The following KIAA2012 variants were observed in gnomAD, a reference collection of about 807,000 sequenced individuals.
KIAA2012 encodes KIAA2012.
In KIAA2012, 125 loss-of-function variants were observed where a neutral mutation model predicts 150.6. The observed-to-expected ratio is 0.83, with a 90% CI of 0.72 to 0.96. The LOEUF is 0.96. KIAA2012 is among the 40% of genes least tolerant of loss of function. The pLI is 0.00. For missense variants in KIAA2012, 1,219 were observed against 1,354.9 expected (o/e 0.90, Z 1.57); for synonymous variants, 462 against 504.7 (o/e 0.92, Z 1.13).
chr2:202,074,694 T>A (rs1432169956), intron 1 of KIAA2012, among the ~76,000 whole-genome samples, 197 bp from the exon 2 acceptor site: 1 of 152,202 alleles, frequency 6.6e-6, no homozygotes, highest in African/African-American at 2.4e-5. Flanking sequence ...AATAGAACCA[T>A]GCCCTGGGTT....
At chr2:202,196,487 G>A (rs1479883448) in intron 21 of KIAA2012, among the ~76,000 whole-genome samples, 1 of 151,716 alleles carries the variant, frequency 6.6e-6, no homozygotes, top group Non-Finnish European at 1.5e-5. Flanking sequence ...GAGCCACCAC[G>A]CCCGGCCAGG....
At chr2:202,165,926 T>G (rs72940545) in intron 15 of KIAA2012, among the ~76,000 whole-genome samples, 234 of 152,324 alleles carry the variant, frequency 1.5e-3, no homozygotes, top group Non-Finnish European at 2.6e-3. Context: ...TTGGTTAAGC[T>G]TCTAAGCAGA....
At chr2:202,075,747 A>G (rs1689310853) in intron 2 of KIAA2012, among the ~76,000 whole-genome samples, 1 of 152,230 alleles carries the variant, frequency 6.6e-6, no homozygotes, top group Non-Finnish European at 1.5e-5. Context: ...GCTTTATATA[A>G]TTGCATGCAT....
intron 15 of KIAA2012, among the ~76,000 whole-genome samples, chr2:202,165,875 G>T (rs1691747520): frequency 6.6e-6 from 1 of 152,150 alleles, no homozygotes; most frequent in Admixed American, 6.6e-5. Context: ...TTGTTTGGGG[G>T]ATACCAGACA....
intron 10 of KIAA2012, among the ~76,000 whole-genome samples, chr2:202,112,335 GGGCACGGAAGCTC>G (rs1690384031): frequency 6.6e-6 from 1 of 152,196 alleles, no homozygotes; most frequent in South Asian, 2.1e-4. Flanking sequence ...GGCCCAGAGA[GGGCACGGAAGCTC>G]GGCACATGCT....
chr2:202,097,773 G>A (rs6435125), intron 5 of KIAA2012, among the ~76,000 whole-genome samples, 196 bp downstream of exon 5: 79,346 of 151,390 alleles, frequency 0.52, 21,037 homozygotes, highest in African/African-American at 0.59. Context: ...GTATTTTAGT[G>A]GAGATGGGGT....
chr2:202,161,627 G>GT (rs920664327), intron 14 of KIAA2012, among the ~76,000 whole-genome samples: 2 of 151,826 alleles, frequency 1.3e-5, no homozygotes, highest in Admixed American at 6.6e-5. Context: ...GTGTCTGCTG[G>GT]TAAACAACCT....
At chr2:202,163,806 TTTCC>T (rs1691705976) in intron 14 of KIAA2012, among the ~76,000 whole-genome samples, 1 of 53,570 alleles carries the variant, frequency 1.9e-5, no homozygotes, top group Non-Finnish European at 4.0e-5. Flanking sequence ...TTTTTTTTTT[TTTCC>T]TGTACCAGGC....
At chr2:202,203,761 T>C (rs934750915) in intron 23 of KIAA2012, among the ~76,000 whole-genome samples, 23 of 150,480 alleles carry the variant, frequency 1.5e-4, no homozygotes, top group African/African-American at 5.1e-4. Flanking sequence ...ACATTGACTC[T>C]ACCAGGATGT....
At chr2:202,194,130 A>C in intron 20 of KIAA2012, 60 bp from the exon 21 acceptor site, 1 of 1,534,728 alleles carries the variant, frequency 6.5e-7, no homozygotes, top group Non-Finnish European at 8.8e-7. Flanking sequence ...CTGTTGGCTC[A>C]TCTCACAAGG....
chr2:202,138,343 G>T (rs1691122871), intron 12 of KIAA2012, 89 bp from the exon 13 acceptor site: 1 of 762,452 alleles, frequency 1.3e-6, no homozygotes, highest in Non-Finnish European at 2.2e-6. Flanking sequence ...ATATGAACTA[G>T]GTGTGTGTGT....
At chr2:202,171,082 G>T (rs1164525631) in intron 15 of KIAA2012, among the ~76,000 whole-genome samples, 2 of 150,008 alleles carry the variant, frequency 1.3e-5, no homozygotes, top group African/African-American at 2.5e-5. Context: ...AAACAGCAAG[G>T]TCCGGGGAAA....
Position 202,107,280 on chromosome 2 carries a change from C to A in KIAA2012, c.1474+1370C>A, listed in dbSNP as rs935701255. ...TAAAAGAATAAACCAAACAATGAAC[C>A]TAGGTCAGGACGTTCTCGAAACATT... On this transcript the variant is annotated intron_variant, in intron 9 of 23. Transcript: ENST00000498697. 2.6e-5 allele frequency among the ~76,000 whole-genome samples: 4 copies of A among 151,870 alleles called. No individual in the cohort carries two copies. In the East Asian group the frequency reaches 5.8e-4, roughly 22 times the overall value.
Position 202,073,761 on chromosome 2 carries a change from G to A in KIAA2012, c.84+50G>A, listed in dbSNP as rs1415604807. The A allele has an allele frequency of 2.0e-6, 3 of 1,488,336 alleles. No homozygotes were observed. In the South Asian group the frequency reaches 3.7e-5, roughly 18 times the overall value. 92.2% of individuals were successfully genotyped at this position (1,488,336 alleles called of 1,614,324 possible). A position where few individuals can be genotyped will look rare whatever the true frequency, so the allele number is the denominator to read the frequency against. On this transcript the variant is annotated intron_variant, in intron 1 of 23. Coordinates refer to ENST00000498697, the MANE Select transcript of KIAA2012 (RefSeq NM_001277372.4). Reference sequence around the variant, plus strand: ...CACATTTTGGAGGTGGGAGAGGAATGCTCTATGTTTCCACTTGGGAGGTAA... The same window carrying A: ...CACATTTTGGAGGTGGGAGAGGAATACTCTATGTTTCCACTTGGGAGGTAA...
intron 12 of KIAA2012, chr2:202,136,286 A>C (rs1330989280): frequency 6.3e-6 from 1 of 159,564 alleles, no homozygotes; most frequent in East Asian, 1.8e-4. Flanking sequence ...TCAAGAGTGA[A>C]GCTGCAGACC....
At chr2:202,138,814 T>C (rs1301583289) in intron 13 of KIAA2012, among the ~76,000 whole-genome samples, 1 of 152,194 alleles carries the variant, frequency 6.6e-6, no homozygotes, top group African/African-American at 2.4e-5. Flanking sequence ...AGTGAGGCAG[T>C]AGGCACTAGT....
rs558318444 is a variant in KIAA2012 at position 202,074,598 on chromosome 2, G to A, written c.85-293G>A. The stretch of plus-strand genomic sequence containing the variant: ...ATTCTGACCACTTACTTGCATACCA[G>A]GAAACTTTAACTGGCCTGTAACCTA... On this transcript the variant is annotated intron_variant, in intron 1 of 23. Coordinates refer to ENST00000498697, the MANE Select transcript of KIAA2012 (RefSeq NM_001277372.4). Among the ~76,000 whole-genome samples, 5 of 152,236 alleles carry A rather than the reference G, an allele frequency of 3.3e-5. 1 individual carries two copies. Among genetic ancestry groups the A allele is most frequent in the Admixed American group, 3.3e-4 (5 of 15,290 alleles).
intron 15 of KIAA2012, 109 bp from the exon 16 acceptor site, chr2:202,184,644 C>A (rs1268086617): frequency 3.0e-6 from 2 of 660,798 alleles, no homozygotes; most frequent in Non-Finnish European, 4.9e-6. Context: ...CGTCATTGTT[C>A]TAATTTGCAT....
At chr2:202,155,334 G>A (rs1202342635) in intron 14 of KIAA2012, among the ~76,000 whole-genome samples, 1 of 152,128 alleles carries the variant, frequency 6.6e-6, no homozygotes, top group Non-Finnish European at 1.5e-5. Flanking sequence ...CTATAGTGAG[G>A]GTGGCATTTG....
Sources: allele counts gnomAD v4.1 joint callset (sites outside exome capture counted in the v4.1 genomes callset), GRCh38; gene constraint gnomAD v4.1.1; transcripts MANE v1.5; gene names NCBI Gene and HGNC (gene_info 2026-07-23, HGNC 2026-07-21).